CHFR: variants seen among roughly 807,000 people sequenced by gnomAD.
The protein encoded by CHFR is checkpoint with forkhead and ring finger domains, also known as E3 ubiquitin-protein ligase CHFR.
A neutral mutation model predicts 87.6 loss-of-function variants in CHFR; 57 were observed. That is an observed-to-expected ratio of 0.65 (90% confidence interval 0.53 to 0.81). CHFR has a LOEUF of 0.81. Ranked by LOEUF, CHFR falls within the 30% of genes least tolerant of loss-of-function variation. CHFR has a pLI of 0.00. For missense variants in CHFR, 797 were observed against 865.8 expected (o/e 0.92, Z 1.00); for synonymous variants, 381 against 359.2 (o/e 1.06, Z -0.69).
At chr12:132,859,772 T>A (rs942879560) in intron 7 of CHFR, among the ~76,000 whole-genome samples, 6 of 152,294 alleles carry the variant, frequency 3.9e-5, no homozygotes, top group African/African-American at 1.4e-4. Context: ...CCAGGTGCAA[T>A]GGCTCACAAC....
chr12:132,862,136 G>A (rs527512444), intron 6 of CHFR, among the ~76,000 whole-genome samples: 4 of 152,050 alleles, frequency 2.6e-5, no homozygotes, highest in Admixed American at 6.6e-5. Context: ...TTAGACAGGC[G>A]TGGTGGCGAG....
chr12:132,852,346 T>C (rs886355098), intron 11 of CHFR, among the ~76,000 whole-genome samples: 1 of 152,138 alleles, frequency 6.6e-6, no homozygotes, highest in African/African-American at 2.4e-5. Context: ...ATAGAACCTA[T>C]GATATAGAAT....
intron 9 of CHFR, 76 bp downstream of exon 9, chr12:132,857,329 T>C (rs1265886575): frequency 2.5e-4 from 355 of 1,414,604 alleles, no homozygotes; most frequent in Non-Finnish European, 3.3e-4. Context: ...GCTGGGTGGA[T>C]GCCCTCACGT....
intron 8 of CHFR, 136 bp from the exon 9 acceptor site, chr12:132,857,695 C>T: frequency 1.3e-6 from 1 of 783,750 alleles, no homozygotes; most frequent in Non-Finnish European, 2.0e-6. Flanking sequence ...CCCTTTAAGT[C>T]AGTCTTGGTT....
rs765845584 is a variant in CHFR at position 132,859,145 on chromosome 12, T to C, written c.834A>G (p.Ala278=). ...NAQTVHEDVR[A]AAGKPDKMEE... is the part of the protein sequence containing the mutation. ...CCATCTTGTCTGGCTTCCCAGCCGC[T>C]GCTCTGACGTCCTCGTGGACGGTTT... The change falls in exon 8 of 18, where the codon GCA becomes GCG. Residue 278 remains alanine (A), a synonymous_variant. Coordinates refer to ENST00000450056, the MANE Select transcript of CHFR (RefSeq NM_001161346.2). 4 of 1,614,164 alleles carry C rather than the reference T, an allele frequency of 2.5e-6. No homozygotes were observed. Among genetic ancestry groups the C allele is most frequent in the South Asian group, 1.1e-5 (1 of 91,066 alleles).
chr12:132,845,964 C>T (rs1354548450), intron 15 of CHFR, among the ~76,000 whole-genome samples: 4 of 152,224 alleles, frequency 2.6e-5, no homozygotes, highest in South Asian at 2.1e-4. Flanking sequence ...CCTCCTTGCT[C>T]TTGTTACCCA....
intron 2 of CHFR, among the ~76,000 whole-genome samples, chr12:132,879,806 A>C (rs1161240940): frequency 6.6e-6 from 1 of 152,190 alleles, no homozygotes; most frequent in Non-Finnish European, 1.5e-5. Context: ...ATCTATAAGG[A>C]TACATAAAGA....
rs1051289616 is a variant in CHFR, at chr12:132,836,974, T to C, written c.*4580A>G. 2.5e-5 allele frequency: 9 copies of C among 360,292 alleles called. No homozygotes were observed. Among genetic ancestry groups the C allele is most frequent in the Admixed American group, 1.1e-4 (3 of 27,108 alleles). 22.3% of individuals were successfully genotyped at this position (360,292 alleles called of 1,614,324 possible). ...TAAACAGATGTTTCCTTTCCGATAG[T>C]GACAGGTGCTGGGGGGAAACTAGAC... On this transcript the variant is annotated 3_prime_UTR_variant, in exon 18 of 18. Transcript: ENST00000450056.
intron 6 of CHFR, chr12:132,867,697 T>C (rs978997562): frequency 2.0e-5 from 3 of 152,088 alleles, no homozygotes; most frequent in Non-Finnish European, 2.9e-5. Flanking sequence ...CTTCTGTTCA[T>C]AGGAATCTGC....
At chr12:132,882,025 G>A (rs934029729) in intron 2 of CHFR, among the ~76,000 whole-genome samples, 5 of 152,158 alleles carry the variant, frequency 3.3e-5, no homozygotes, top group African/African-American at 4.8e-5. Context: ...CACTGGCCAC[G>A]TGGCCCAGCA....
intron 7 of CHFR, among the ~76,000 whole-genome samples, 189 bp downstream of exon 7, chr12:132,861,278 T>C (rs1229754078): frequency 1.3e-5 from 2 of 152,186 alleles, no homozygotes; most frequent in Admixed American, 6.5e-5. Flanking sequence ...ATCTGGATTA[T>C]GCAAACCGCA....
intron 2 of CHFR, among the ~76,000 whole-genome samples, chr12:132,884,111 C>T (rs1025797987): frequency 6.6e-6 from 1 of 151,462 alleles, no homozygotes; most frequent in African/African-American, 2.4e-5. Context: ...CAGAGTAAGA[C>T]TCCGTCTCAA....
intron 6 of CHFR, chr12:132,866,993 C>T (rs996651465): frequency 6.6e-6 from 1 of 152,474 alleles, no homozygotes; most frequent in Non-Finnish European, 1.5e-5. Context: ...GAGATTGCGC[C>T]ACTGCACTCC....
chr12:132,868,198 G>C (rs1206485099), intron 6 of CHFR, among the ~76,000 whole-genome samples: 1 of 152,150 alleles, frequency 6.6e-6, no homozygotes, highest in Admixed American at 6.6e-5. Flanking sequence ...CTAAGTGAAA[G>C]AGCCCAGTCA....
At chr12:132,887,486 C>T in intron 1 of CHFR, 61 bp downstream of exon 1, 1 of 391,518 alleles carries the variant, frequency 2.6e-6, no homozygotes, top group Non-Finnish European at 3.5e-6. Context: ...CGCCCCCTCC[C>T]ACGGCCGCAA....
chr12:132,843,991 A>T, intron 16 of CHFR, 36 bp downstream of exon 16: 3 of 1,368,900 alleles, frequency 2.2e-6, no homozygotes, highest in Non-Finnish European at 3.1e-6. Flanking sequence ...CAACCCAGAC[A>T]GAACTAGAGC....
At position 132,869,791 on chromosome 12, in the gene CHFR, TGAG is replaced by T. The variant is rs1951442868; in HGVS notation, c.408_410del (p.Ser137del). The T allele has an allele frequency of 6.4e-7, 1 of 1,551,426 alleles. No homozygotes were observed. Among genetic ancestry groups the T allele is most frequent in the Non-Finnish European group, 8.7e-7 (1 of 1,146,978 alleles). Reference sequence around the variant, plus strand: ...CGGCCCCTCGCCCTGCACCTGCACCTGAGGTATCTTTGGTCCCATGGAACACAT... The same window carrying T: ...CGGCCCCTCGCCCTGCACCTGCACCTGTATCTTTGGTCCCATGGAACACAT... On this transcript the variant is annotated inframe_deletion, in exon 6 of 18. Transcript: ENST00000450056.
At chr12:132,863,978 G>A (rs1951274492) in intron 6 of CHFR, among the ~76,000 whole-genome samples, 1 of 151,988 alleles carries the variant, frequency 6.6e-6, no homozygotes, top group Non-Finnish European at 1.5e-5. Context: ...TACCCAGGCT[G>A]GTCTCAAACT....
chr12:132,864,925 A>C (rs1951300238), intron 6 of CHFR, among the ~76,000 whole-genome samples: 1 of 152,226 alleles, frequency 6.6e-6, no homozygotes, highest in Non-Finnish European at 1.5e-5. Flanking sequence ...TAGGAACAGG[A>C]AACAATTTTA....
Sources: allele counts gnomAD v4.1 joint callset (sites outside exome capture counted in the v4.1 genomes callset), GRCh38; gene constraint gnomAD v4.1.1; transcripts MANE v1.5; gene names NCBI Gene and HGNC (gene_info 2026-07-23, HGNC 2026-07-21).